The following EEIG1 variants were observed in gnomAD, a reference collection of about 807,000 sequenced individuals.
EEIG1 encodes the protein estrogen-induced osteoclastogenesis regulator 1.
the EEIG1 span, among the ~76,000 whole-genome samples, chr9:127,956,535 T>C: frequency 6.6e-6 from 1 of 152,014 alleles, no homozygotes; most frequent in Non-Finnish European, 1.5e-5. Context: ...CTCAGCCTCC[T>C]GAGTAGCTGG....
At chr9:127,945,730 T>C in the EEIG1 span, 1 of 1,575,860 alleles carries the variant, frequency 6.3e-7, no homozygotes, top group Non-Finnish European at 8.6e-7. The surrounding 1 kb of genome is among the most constrained non-coding windows in gnomAD (Gnocchi z 6.5). Context: ...CTGGACAGGT[T>C]CTGGTCGGGT....
At chr9:127,945,502 G>A in the EEIG1 span, 26 of 1,569,674 alleles carry the variant, frequency 1.7e-5, no homozygotes, top group South Asian at 4.7e-5. The surrounding 1 kb of genome is among the most constrained non-coding windows in gnomAD (Gnocchi z 6.5). Flanking sequence ...GCTGGTGGAC[G>A]TGTTGCGGCG....
At chr9:127,942,634 CAAGG>C in the EEIG1 span, 5 of 159,444 alleles carry the variant, frequency 3.1e-5, no homozygotes, top group African/African-American at 7.2e-5. Flanking sequence ...CCCCAGGACA[CAAGG>C]AAGGGACAGC....
At chr9:127,947,241 A>C in the EEIG1 span, among the ~76,000 whole-genome samples, 1 of 149,246 alleles carries the variant, frequency 6.7e-6, no homozygotes, top group East Asian at 2.0e-4. Flanking sequence ...GATATGGTGA[A>C]ATCCAGTCTC....
the EEIG1 span, among the ~76,000 whole-genome samples, chr9:127,965,032 C>T: frequency 7.1e-6 from 1 of 140,512 alleles, no homozygotes; most frequent in African/African-American, 2.7e-5. Context: ...TCTCTTGAAC[C>T]CGGGAGGCGG....
chr9:127,944,883 C>T, the EEIG1 span: 7 of 1,611,914 alleles, frequency 4.3e-6, no homozygotes, highest in African/African-American at 2.7e-5. Flanking sequence ...GGCTCTCCAC[C>T]GAGTCCTTCT....
At chr9:127,953,376 A>G in the EEIG1 span, 3 of 600,136 alleles carry the variant, frequency 5.0e-6, no homozygotes, top group Admixed American at 6.0e-5. Flanking sequence ...CTTCTGTACC[A>G]TTTATATTGC....
the EEIG1 span, among the ~76,000 whole-genome samples, chr9:127,961,349 G>T: frequency 6.6e-6 from 1 of 152,240 alleles, no homozygotes; most frequent in African/African-American, 2.4e-5. Context: ...CACAGGCTCA[G>T]GCAGGGTGGG....
chr9:127,954,113 G>GT, the EEIG1 span, among the ~76,000 whole-genome samples: 2 of 152,236 alleles, frequency 1.3e-5, no homozygotes, highest in Non-Finnish European at 2.9e-5. Flanking sequence ...AAAAACAACA[G>GT]TGAAAACGTA....
At chr9:127,953,888 T>A in the EEIG1 span, 1 of 1,613,946 alleles carries the variant, frequency 6.2e-7, no homozygotes. Flanking sequence ...AAGGTGAACC[T>A]CTTTCGCCAC....
At chr9:127,949,288 T>C in the EEIG1 span, among the ~76,000 whole-genome samples, 2 of 114,274 alleles carry the variant, frequency 1.8e-5, no homozygotes, top group African/African-American at 6.9e-5. Flanking sequence ...CACTCCAGCC[T>C]GGGTGACAGC....
At chr9:127,956,441 G>A in the EEIG1 span, among the ~76,000 whole-genome samples, 7 of 152,168 alleles carry the variant, frequency 4.6e-5, no homozygotes, top group South Asian at 2.1e-4. Flanking sequence ...ATGGAGTTTC[G>A]CTCTCGTTGC....
chr9:127,944,599 C>A, the EEIG1 span: 2 of 1,605,482 alleles, frequency 1.2e-6, no homozygotes, highest in South Asian at 1.1e-5. Context: ...ACGACCCCTC[C>A]CTAAGCCTGC....
the EEIG1 span, among the ~76,000 whole-genome samples, chr9:127,960,551 G>C: frequency 6.6e-6 from 1 of 152,180 alleles, no homozygotes; most frequent in Non-Finnish European, 1.5e-5. Context: ...GGGAAGGCTG[G>C]GGAGTGGCCA....
chr9:127,956,111 C>T, the EEIG1 span, among the ~76,000 whole-genome samples: 1 of 152,218 alleles, frequency 6.6e-6, no homozygotes, highest in Non-Finnish European at 1.5e-5. Flanking sequence ...TCCCTATAGG[C>T]AGGTGCCACA....
the EEIG1 span, among the ~76,000 whole-genome samples, chr9:127,954,577 T>A: frequency 5.3e-3 from 813 of 152,294 alleles, 3 homozygotes; most frequent in African/African-American, 0.019. Context: ...TGGAGCCTGC[T>A]CCAAGTGCCA....
At chr9:127,969,947 T>C in the EEIG1 span, among the ~76,000 whole-genome samples, 1 of 152,066 alleles carries the variant, frequency 6.6e-6, no homozygotes, top group Non-Finnish European at 1.5e-5. Context: ...CACAGAGACG[T>C]GCAGAACTCA....
the EEIG1 span, chr9:127,943,219 G>C: frequency 9.3e-6 from 15 of 1,614,110 alleles, no homozygotes; most frequent in Non-Finnish European, 1.3e-5. Flanking sequence ...CAACTGGCTC[G>C]TAGACCCCAG....
the EEIG1 span, chr9:127,942,923 C>T: frequency 2.9e-5 from 15 of 509,184 alleles, no homozygotes; most frequent in East Asian, 6.8e-5. Context: ...ACAAGCTGCA[C>T]GGGCCCGCCT....
Sources: gnomAD v4.1 joint callset for allele counts (sites outside exome capture counted in the v4.1 genomes callset) on GRCh38, gnomAD v4.1.1 for gene constraint, Gnocchi (gnomAD v3.1) non-coding constraint, MANE v1.5 for transcripts, NCBI Gene and HGNC (gene_info 2026-07-23, HGNC 2026-07-21) for gene names.